IGF1R: variants seen among roughly 807,000 people sequenced by gnomAD.
The protein encoded by IGF1R is insulin-like growth factor 1 receptor.
In IGF1R, 44 loss-of-function variants were observed where a neutral mutation model predicts 144.6. The ratio of observed to expected loss-of-function variants is 0.30; its 90% CI spans 0.24 to 0.39. IGF1R has a LOEUF of 0.39. Among genes scored for constraint, IGF1R ranks in the 10% least tolerant of loss-of-function variants. The probability of loss-of-function intolerance (pLI) is 1.00; values close to 1 mark genes in which losing one functional copy is unlikely to be tolerated. For synonymous variants in IGF1R, 795 were observed against 722.8 expected, an observed-to-expected ratio of 1.10 and a Z score of -1.60; for missense variants, 1,355 against 1,833.7, an observed-to-expected ratio of 0.74 and a Z score of 4.77.
chr15:98,939,823 G>A (rs768478550), intron 18 of IGF1R, among the ~76,000 whole-genome samples: 2 of 152,356 alleles, frequency 1.3e-5, no homozygotes, highest in African/African-American at 2.4e-5. Context: ...GCCTCTGCAC[G>A]GAGCAGGAGC....
intron 3 of IGF1R, among the ~76,000 whole-genome samples, chr15:98,896,533 G>A (rs41450052): frequency 6.6e-6 from 1 of 152,188 alleles, no homozygotes; most frequent in Non-Finnish European, 1.5e-5. Flanking sequence ...CAAGCAACAC[G>A]CTCTTCCTTT....
intron 3 of IGF1R, among the ~76,000 whole-genome samples, chr15:98,893,870 TC>T (rs2151647966): frequency 6.6e-6 from 1 of 152,288 alleles, no homozygotes; most frequent in African/African-American, 2.4e-5. Context: ...AATAATAAAT[TC>T]CCTTCTCTCA....
In IGF1R at chr15:98,963,435, G is replaced by C. The variant is rs1385190883; in HGVS notation, c.*5993G>C. On this transcript the variant is annotated 3_prime_UTR_variant, in exon 21 of 21. Coordinates refer to ENST00000650285, the MANE Select transcript of IGF1R (RefSeq NM_000875.5). Reference sequence around the variant, plus strand: ...GTTGGGAAGGGGATCATTTTTTACTGGTCATTTCCCTTTGGAGTGTAGCTA... The same window carrying C: ...GTTGGGAAGGGGATCATTTTTTACTCGTCATTTCCCTTTGGAGTGTAGCTA... The C allele has an allele frequency of 4.3e-6, 1 of 233,074 alleles. No homozygotes were observed. Among genetic ancestry groups the C allele is most frequent in the Non-Finnish European group, 8.5e-6 (1 of 118,030 alleles). The allele number at this position is 233,074 out of a possible 1,614,324, so 14.4% of individuals were successfully genotyped here. A position where few individuals can be genotyped will look rare whatever the true frequency, so the allele number is the denominator to read the frequency against.
chr15:98,927,613 A>G (rs1032539512), intron 13 of IGF1R, among the ~76,000 whole-genome samples: 9 of 152,226 alleles, frequency 5.9e-5, no homozygotes, highest in Non-Finnish European at 1.2e-4. Flanking sequence ...GGGGGAAGAA[A>G]GAAAAATCTG....
chr15:98,736,252 A>G (rs1159919687), intron 2 of IGF1R, among the ~76,000 whole-genome samples: 3 of 152,174 alleles, frequency 2.0e-5, no homozygotes, highest in African/African-American at 7.2e-5. Context: ...TTGCTCTGAA[A>G]AGCCAGAATT....
At chr15:98,728,007 GT>G (rs10680958) in intron 2 of IGF1R, among the ~76,000 whole-genome samples, 362 of 108,744 alleles carry the variant, frequency 3.3e-3, no homozygotes, top group African/African-American at 0.012. Context: ...AAGATGCATT[GT>G]TTTTTTTTTT....
chr15:98,679,904 C>T (rs558196707), intron 1 of IGF1R, among the ~76,000 whole-genome samples: 6 of 150,706 alleles, frequency 4.0e-5, no homozygotes, highest in Admixed American at 1.3e-4. Flanking sequence ...TCTAGGCTAA[C>T]GTGTGTGTTT....
chr15:98,714,898 G>A (rs990382259), intron 2 of IGF1R, among the ~76,000 whole-genome samples: 7 of 152,240 alleles, frequency 4.6e-5, no homozygotes, highest in African/African-American at 1.7e-4. Context: ...TCTTCTGCAG[G>A]CCACTGTTCC....
At chr15:98,672,569 CAAAAAAAAAAA>C (rs60559912) in intron 1 of IGF1R, among the ~76,000 whole-genome samples, 1 of 61,654 alleles carries the variant, frequency 1.6e-5, no homozygotes, top group Non-Finnish European at 3.9e-5. Flanking sequence ...GACTCCATCT[CAAAAAAAAAAA>C]AAAAAAAAAA....
intron 20 of IGF1R, among the ~76,000 whole-genome samples, chr15:98,954,567 T>C (rs116836297): frequency 1.8e-3 from 273 of 152,254 alleles, no homozygotes; most frequent in African/African-American, 6.0e-3. Context: ...GTTGTTACTC[T>C]GGAATGGTTT....
chr15:98,793,263 C>T (rs1259379007), intron 2 of IGF1R, among the ~76,000 whole-genome samples: 1 of 152,146 alleles, frequency 6.6e-6, no homozygotes, highest in Admixed American at 6.5e-5. Context: ...AGAAGTCTCC[C>T]CTTTAGAAAA....
intron 2 of IGF1R, among the ~76,000 whole-genome samples, chr15:98,851,045 C>T (rs572360370): frequency 6.6e-6 from 1 of 152,300 alleles, no homozygotes; most frequent in South Asian, 2.1e-4. Flanking sequence ...AAACCGATTT[C>T]GGAGCACTCC....
chr15:98,941,612 A>G (rs1162053512), intron 18 of IGF1R, among the ~76,000 whole-genome samples: 2 of 152,160 alleles, frequency 1.3e-5, no homozygotes, highest in African/African-American at 4.8e-5. Context: ...ACACTTTCAC[A>G]CTTCATTTTT....
chr15:98,859,626 C>T (rs2012034678), intron 2 of IGF1R, among the ~76,000 whole-genome samples: 1 of 152,168 alleles, frequency 6.6e-6, no homozygotes, highest in African/African-American at 2.4e-5. Flanking sequence ...ACGGTTTTTG[C>T]AAGCTTGTGC....
chr15:98,881,973 T>G (rs180910031), intron 2 of IGF1R, among the ~76,000 whole-genome samples: 6 of 152,234 alleles, frequency 3.9e-5, no homozygotes, highest in Non-Finnish European at 8.8e-5. Flanking sequence ...GAGATATGAA[T>G]AGTTTTTGTG....
intron 10 of IGF1R, among the ~76,000 whole-genome samples, chr15:98,917,555 T>C (rs913301776): frequency 6.6e-6 from 1 of 152,214 alleles, no homozygotes; most frequent in African/African-American, 2.4e-5. Context: ...AGCAGGACTG[T>C]TCATAGTAGC....
rs577796647 is a variant in IGF1R at position 98,948,205 on chromosome 15, A to C, written c.3588-369A>C. 2.4e-4 allele frequency among the ~76,000 whole-genome samples: 37 copies of C among 152,266 alleles called. No individual in the cohort carries two copies. The South Asian group carries it at 5.4e-3, about 22-fold the overall frequency. ...CAAGAATGTCATTCTTTTTGGGTCA[A>C]AGCCAGGTTAGGTGATACCGCCTTG... On this transcript the variant is annotated intron_variant, in intron 19 of 20. Transcript: ENST00000650285.
At chr15:98,708,793 T>C (rs1248784934) in intron 2 of IGF1R, among the ~76,000 whole-genome samples, 1 of 152,250 alleles carries the variant, frequency 6.6e-6, no homozygotes, top group Non-Finnish European at 1.5e-5. Context: ...GATTCTGTTT[T>C]CGTTCTTTTA....
intron 1 of IGF1R, among the ~76,000 whole-genome samples, chr15:98,671,725 A>G (rs2052897824): frequency 6.6e-6 from 1 of 152,220 alleles, no homozygotes; most frequent in Non-Finnish European, 1.5e-5. Context: ...CATAGCTTCC[A>G]GGATTTGTAA....
Sources: allele counts gnomAD v4.1 joint callset (sites outside exome capture counted in the v4.1 genomes callset), GRCh38; gene constraint gnomAD v4.1.1; transcripts MANE v1.5; gene names NCBI Gene and HGNC (gene_info 2026-07-23, HGNC 2026-07-21).